CEP41: variants seen among roughly 807,000 people sequenced by gnomAD.
The protein encoded by CEP41 is centrosomal protein 41, also known as centrosomal protein of 41 kDa.
CEP41 carries 32 observed loss-of-function variants against 44.3 expected under a neutral mutation model. The ratio of observed to expected loss-of-function variants is 0.72; its 90% CI spans 0.54 to 0.97. The LOEUF (loss-of-function observed/expected upper bound fraction) is 0.97. Ranked by LOEUF, CEP41 falls within the 50% of genes least tolerant of loss-of-function variation. The probability of loss-of-function intolerance (pLI) is 0.00; values close to 1 mark genes in which losing one functional copy is unlikely to be tolerated. For missense variants in CEP41, 432 were observed against 455.2 expected (o/e 0.95, Z 0.46); for synonymous variants, 151 against 168.5 (o/e 0.90, Z 0.80).
chr7:130,440,123 G>A (rs567299194), intron 1 of CEP41, among the ~76,000 whole-genome samples: 2 of 152,188 alleles, frequency 1.3e-5, no homozygotes, highest in South Asian at 4.2e-4. Context: ...GGGTTCAAGC[G>A]ATTCTCCTGC....
intron 2 of CEP41, among the ~76,000 whole-genome samples, chr7:130,424,386 T>C (rs1259544896): frequency 1.4e-5 from 2 of 144,008 alleles, no homozygotes; most frequent in Non-Finnish European, 3.0e-5. Context: ...GACTACAGAG[T>C]AAGACCCTGT....
In CEP41 at chr7:130,428,021, A is replaced by T; in HGVS notation, c.34-3T>A. On this transcript the variant is annotated splice_region_variant and splice_polypyrimidine_tract_variant and intron_variant, in intron 1 of 10. Coordinates refer to ENST00000223208, the MANE Select transcript of CEP41 (RefSeq NM_018718.3). ...TGTGGTATCCTTTTCATCAGATACT[A>T]AAAAATAAGGAAATTCACAATTAAT... 3 of 1,583,514 alleles carry T rather than the reference A, an allele frequency of 1.9e-6. No individual in the cohort carries two copies. The highest frequency in any genetic ancestry group is 1.7e-6 in the Non-Finnish European group (2 of 1,152,434).
At chr7:130,414,218 T>C (rs2117616472) in intron 3 of CEP41, among the ~76,000 whole-genome samples, 1 of 152,340 alleles carries the variant, frequency 6.6e-6, no homozygotes, top group East Asian at 1.9e-4. Flanking sequence ...AGACCATTAC[T>C]TCTAGGAAAT....
At chr7:130,408,676 T>A (rs1230398694) in intron 5 of CEP41, among the ~76,000 whole-genome samples, 2 of 152,184 alleles carry the variant, frequency 1.3e-5, no homozygotes, top group African/African-American at 4.8e-5. Flanking sequence ...AATGTGGCAA[T>A]CAGCACTGGG....
chr7:130,436,078 C>A (rs1554426061), intron 1 of CEP41, among the ~76,000 whole-genome samples: 1 of 152,132 alleles, frequency 6.6e-6, no homozygotes, highest in African/African-American at 2.4e-5. Flanking sequence ...CACTTGAACC[C>A]AGGCAGCAGA....
intron 6 of CEP41, among the ~76,000 whole-genome samples, chr7:130,403,665 A>G (rs1280072198): frequency 6.6e-6 from 1 of 152,226 alleles, no homozygotes; most frequent in African/African-American, 2.4e-5. Flanking sequence ...CTCCTTTCCC[A>G]TAACAGCAAA....
At chr7:130,420,735 G>A (rs1397200533) in intron 2 of CEP41, 2 of 276,238 alleles carry the variant, frequency 7.2e-6, no homozygotes, top group Non-Finnish European at 1.1e-5. Flanking sequence ...TCACGCCACT[G>A]CACTCCAGCT....
At chr7:130,421,206 T>C in intron 2 of CEP41, 1 of 985,214 alleles carries the variant, frequency 1.0e-6, no homozygotes, top group South Asian at 4.7e-5. Flanking sequence ...TGTTTTCCTA[T>C]AATTTAATAA....
At chr7:130,421,247 A>T in intron 2 of CEP41, 1 of 985,456 alleles carries the variant, frequency 1.0e-6, no homozygotes, top group Non-Finnish European at 1.2e-6. Flanking sequence ...TAAGAAAAGC[A>T]AGTGATTTTG....
At chr7:130,428,919 AAATAAATAAAT>A (rs1797746008) in intron 1 of CEP41, among the ~76,000 whole-genome samples, 1 of 141,442 alleles carries the variant, frequency 7.1e-6, no homozygotes. Flanking sequence ...TCAAAAAAAT[AAATAAATAAAT>A]AAATAAATAA....
At chr7:130,400,386 T>G in intron 9 of CEP41, 132 bp from the exon 10 acceptor site, 1 of 725,824 alleles carries the variant, frequency 1.4e-6, no homozygotes, top group Non-Finnish European at 2.5e-6. Context: ...GAAATCTTTC[T>G]TAACTATTTC....
chr7:130,395,655 C>G lies in CEP41; in HGVS notation c.*3236G>C, dbSNP rs1554414182. The G allele has an allele frequency of 2.2e-6, 1 of 453,928 alleles. No individual in the cohort carries two copies. The highest frequency in any genetic ancestry group is 4.4e-6 in the Non-Finnish European group (1 of 226,774). The allele number at this position is 453,928 out of a possible 1,614,324, so 28.1% of individuals were successfully genotyped here. A position where few individuals can be genotyped will look rare whatever the true frequency, so the allele number is the denominator to read the frequency against. ...CTACGTATTTCTTCCTAGCCTAGGA[C>G]TCTGATTTCACTTACATTCCACAAG... On this transcript the variant is annotated 3_prime_UTR_variant, in exon 11 of 11. Transcript: ENST00000223208.
rs777673385 is a variant in CEP41, at chr7:130,397,353, T to G, written c.*1538A>C. On this transcript the variant is annotated 3_prime_UTR_variant, in exon 11 of 11. Coordinates refer to ENST00000223208, the MANE Select transcript of CEP41 (RefSeq NM_018718.3). ...TTGATTTCTAAAGCATCGGAAAATG[T>G]TGCACTTTGGAAATCAAGTAGAGAA... The G allele has an allele frequency of 7.3e-5, 33 of 454,306 alleles. No homozygotes were observed. Among genetic ancestry groups the G allele is most frequent in the Non-Finnish European group, 2.2e-5 (5 of 226,762 alleles). The allele number at this position is 454,306 out of a possible 1,614,324, so 28.1% of individuals were successfully genotyped here.
At chr7:130,422,373 T>G (rs1584894649) in intron 2 of CEP41, among the ~76,000 whole-genome samples, 1 of 152,320 alleles carries the variant, frequency 6.6e-6, no homozygotes, top group East Asian at 1.9e-4. Context: ...CTCTGTACTC[T>G]TACTTGGGCT....
rs1474770831 is a variant in CEP41, at chr7:130,398,626, T to A, written c.*265A>T. On this transcript the variant is annotated 3_prime_UTR_variant, in exon 11 of 11. Coordinates refer to ENST00000223208, the MANE Select transcript of CEP41 (RefSeq NM_018718.3). ...GTAGATACTTTTTTCCTATACAGTT[T>A]CACAAGACTTAAATATGCTGTAAAC... The A allele has an allele frequency of 1.5e-6, 1 of 649,250 alleles. No individual in the cohort carries two copies. Among genetic ancestry groups the A allele is most frequent in the East Asian group, 3.1e-5 (1 of 31,788 alleles). The allele number at this position is 649,250 out of a possible 1,614,324, so 40.2% of individuals were successfully genotyped here.
At chr7:130,426,288 T>C (rs1452016596) in intron 2 of CEP41, among the ~76,000 whole-genome samples, 5 of 152,180 alleles carry the variant, frequency 3.3e-5, no homozygotes, top group Admixed American at 3.3e-4. Flanking sequence ...TTAATATGTA[T>C]TGTAAAAAGC....
chr7:130,412,308 A>G (rs766309937), intron 3 of CEP41, 68 bp from the exon 4 acceptor site: 11 of 801,606 alleles, frequency 1.4e-5, no homozygotes, highest in Non-Finnish European at 2.2e-5. Flanking sequence ...CTAGTTGTCA[A>G]GTGACGTGGT....
chr7:130,414,115 T>C (rs1340408380), intron 3 of CEP41, among the ~76,000 whole-genome samples: 1 of 152,236 alleles, frequency 6.6e-6, no homozygotes, highest in African/African-American at 2.4e-5. Flanking sequence ...CTTTAAAAAC[T>C]AGCCTTCTGT....
rs907155632 is a variant in CEP41 at position 130,404,623 on chromosome 7, G to C, written c.363C>G (p.Ser121Arg). 7 of 1,613,408 alleles carry C rather than the reference G, an allele frequency of 4.3e-6. No homozygotes were observed. In the Admixed American group the frequency reaches 1.2e-4, roughly 27 times the overall value. The change falls in exon 6 of 11, where the codon AGC (serine) becomes AGG (arginine). Residue 121 changes from serine (S) to arginine (R), a missense_variant. By Grantham distance (110) the Ser-to-Arg change is moderately radical (BLOSUM62 -1). Transcript: ENST00000223208. ...CTGCGTTGTTTATGAACTGCTCAGG[G>C]CTCGGCGACTGCTCACCTGGATTTC... ...GKGNPGEQSP[S>R]PEQFINNAGA...
Sources: allele counts gnomAD v4.1 joint callset (sites outside exome capture counted in the v4.1 genomes callset), GRCh38; gene constraint gnomAD v4.1.1; transcripts MANE v1.5; gene names NCBI Gene and HGNC (gene_info 2026-07-23, HGNC 2026-07-21).